PCYT1B: variants seen among roughly 807,000 people sequenced by gnomAD.
PCYT1B encodes phosphate cytidylyltransferase 1B, choline.
A neutral mutation model predicts 26.4 loss-of-function variants in PCYT1B; 10 were observed. The observed-to-expected ratio is 0.38, with a 90% confidence interval of 0.23 to 0.64. PCYT1B has a LOEUF of 0.64. Among genes scored for constraint, PCYT1B ranks in the 30% least tolerant of loss-of-function variants. The pLI, the probability that PCYT1B is intolerant of heterozygous loss-of-function variation, is 0.56. For missense variants in PCYT1B, 161 were observed against 292.7 expected (o/e 0.55, Z 3.28); for synonymous variants, 131 against 108.4 (o/e 1.21, Z -1.29).
At chrX:24,592,472 A>T (rs1205665360) in intron 3 of PCYT1B, among the ~76,000 whole-genome samples, 1 of 110,390 alleles carries the variant, frequency 9.1e-6, no homozygotes, top group African/African-American at 3.3e-5. Context: ...TTCAAAGCAC[A>T]CCCGGAAGCC....
chrX:24,585,289 A>G, intron 5 of PCYT1B, among the ~76,000 whole-genome samples: 1 of 111,986 alleles, frequency 8.9e-6, no homozygotes, highest in South Asian at 3.8e-4. Context: ...AATTTTGGAA[A>G]GAAATAGTTT....
Position 24,647,045 on chromosome X carries a change from C to T in PCYT1B, c.61G>A (p.Glu21Lys), listed in dbSNP as rs138783137. The T allele has an allele frequency of 2.1e-5, 25 of 1,209,119 alleles. No homozygotes were observed. The African/African-American group carries it at 3.2e-4, about 15-fold the overall frequency. Residue 21 changes from glutamate to lysine, a missense_variant, in exon 1 of 8, where the codon GAG (glutamate) becomes AAG (lysine). By Grantham distance (56) the Glu-to-Lys change is moderately conservative. Coordinates refer to ENST00000379144, the MANE Select transcript of PCYT1B (RefSeq NM_004845.5). ...TCCTCCATGGTTTCTGAGGGAGGCT[C>T]ATTGGAAAGGGATTTTGGGATACCT... ...ETGIPKSLSN[E>K]PPSETMEEIE... is the part of the protein sequence containing the mutation.
At chrX:24,568,205 G>A (rs762567868) in intron 7 of PCYT1B, among the ~76,000 whole-genome samples, 6 of 111,619 alleles carry the variant, frequency 5.4e-5, no homozygotes, top group African/African-American at 1.6e-4. Flanking sequence ...CACGGTGCCC[G>A]ACACAGGTGC....
At position 24,637,479 on chromosome X, in the gene PCYT1B, T is replaced by TAAAA. The variant is rs1201643219; in HGVS notation, c.117+9506_117+9509dup. ...CAACATGGTGAAACCCCATCTCTAC[T>TAAAA]AAAAAAAAAAAAATATATATATATA... On this transcript the variant is annotated intron_variant, in intron 1 of 7. Coordinates refer to ENST00000379144, the MANE Select transcript of PCYT1B (RefSeq NM_004845.5). Among the ~76,000 whole-genome samples, 364 of 59,251 alleles carry TAAAA rather than the reference T, an allele frequency of 6.1e-3. 5 individuals are homozygous for TAAAA. The highest frequency in any genetic ancestry group is 0.028 in the East Asian group (32 of 1,127). The allele number at this position is 59,251 out of a possible 115,157, so 51.5% of individuals were successfully genotyped here.
chrX:24,620,332 G>T (rs1013880247), intron 1 of PCYT1B, among the ~76,000 whole-genome samples: 44 of 111,526 alleles, frequency 3.9e-4, no homozygotes, highest in Non-Finnish European at 3.8e-5. Flanking sequence ...TCCCTCCCCT[G>T]TCCCCATCCC....
intron 1 of PCYT1B, among the ~76,000 whole-genome samples, chrX:24,655,616 C>T (rs1304490542): frequency 9.0e-6 from 1 of 111,415 alleles, no homozygotes; most frequent in Non-Finnish European, 1.9e-5. Flanking sequence ...AATTCTGTCT[C>T]TACTAAAAAT....
chrX:24,578,452 T>C (rs554970429), intron 6 of PCYT1B, among the ~76,000 whole-genome samples: 2 of 111,777 alleles, frequency 1.8e-5, no homozygotes, highest in Admixed American at 1.9e-4. Context: ...CAAACCTGCA[T>C]GTTCTGCACA....
chrX:24,615,733 ACT>A lies in PCYT1B; in HGVS notation c.217+3250_217+3251del, dbSNP rs1418780071. The stretch of plus-strand genomic sequence containing the variant: ...CCTGCCTCCAAACTTTCATTCATTC[ACT>A]CACAAAATATTTATTGACCGCAGCG... On this transcript the variant is annotated intron_variant, in intron 2 of 7. Transcript: ENST00000379144. 3.6e-5 allele frequency among the ~76,000 whole-genome samples: 4 copies of A among 111,178 alleles called. No homozygotes were observed. The Admixed American group carries it at 3.9e-4, about 11-fold the overall frequency.
chrX:24,631,750 G>A (rs1926100187), intron 1 of PCYT1B, among the ~76,000 whole-genome samples: 1 of 111,918 alleles, frequency 8.9e-6, no homozygotes, highest in Non-Finnish European at 1.9e-5. Context: ...CGGATCACCT[G>A]AGGTCAGGAG....
At chrX:24,579,196 AAAAAG>A in intron 6 of PCYT1B, 115 bp downstream of exon 6, 2 of 604,003 alleles carry the variant, frequency 3.3e-6, no homozygotes, top group Non-Finnish European at 2.4e-6. Context: ...CAAAAAAAAA[AAAAAG>A]AGAGAGAGAG....
intron 1 of PCYT1B, among the ~76,000 whole-genome samples, chrX:24,635,968 T>A (rs1043609092): frequency 1.8e-5 from 2 of 111,765 alleles, no homozygotes; most frequent in African/African-American, 6.5e-5. Context: ...GCCCACAACC[T>A]GTCTGACTGT....
chrX:24,641,588 G>A (rs1926466758), intron 1 of PCYT1B, among the ~76,000 whole-genome samples: 1 of 112,136 alleles, frequency 8.9e-6, no homozygotes, highest in Non-Finnish European at 1.9e-5. Context: ...TAAGCTCCCT[G>A]TAAAGCCACA....
At position 24,621,963 on chromosome X, in the gene PCYT1B, G is replaced by T. The variant is rs771396929; in HGVS notation, c.118-2879C>A. 4.1e-5 allele frequency: 7 copies of T among 172,472 alleles called. No individual in the cohort carries two copies. The South Asian group carries it at 1.9e-3, about 47-fold the overall frequency. 14.2% of individuals were successfully genotyped at this position (172,472 alleles called of 1,213,427 possible). A position where few individuals can be genotyped will look rare whatever the true frequency, so the allele number is the denominator to read the frequency against. On this transcript the variant is annotated intron_variant, in intron 1 of 7. Transcript: ENST00000379144. ...GGGGAAGAAAAGGTTTATATGCACCGTGCATTTTGTTCTTAATTATTATGG... is the reference window on the plus strand; with the variant it reads ...GGGGAAGAAAAGGTTTATATGCACCTTGCATTTTGTTCTTAATTATTATGG...
intron 3 of PCYT1B, among the ~76,000 whole-genome samples, chrX:24,607,219 T>G (rs1337380263): frequency 2.7e-5 from 3 of 112,282 alleles, no homozygotes; most frequent in Non-Finnish European, 5.6e-5. Context: ...CCTCGGTATA[T>G]AAATCTCCAT....
intron 1 of PCYT1B, among the ~76,000 whole-genome samples, chrX:24,657,665 C>T (rs987347240): frequency 4.5e-5 from 5 of 111,780 alleles, no homozygotes; most frequent in Non-Finnish European, 7.5e-5. Context: ...AAGTCTACAC[C>T]AAGCTACGCC....
intron 3 of PCYT1B, among the ~76,000 whole-genome samples, chrX:24,599,321 T>C (rs1285616781): frequency 8.9e-6 from 1 of 112,087 alleles, no homozygotes; most frequent in East Asian, 2.8e-4. Context: ...GTTGTTATTT[T>C]TGGTAAATAA....
chrX:24,606,450 T>C (rs1427166046), intron 3 of PCYT1B, among the ~76,000 whole-genome samples: 9 of 112,498 alleles, frequency 8.0e-5, no homozygotes, highest in African/African-American at 2.3e-4. Context: ...TCCCTCTGCA[T>C]GACTTGCCCA....
In PCYT1B at chrX:24,562,560, C is replaced by A. The variant is rs902492817; in HGVS notation, c.898-55G>T. 10 of 1,080,556 alleles carry A rather than the reference C, an allele frequency of 9.3e-6. No homozygotes were observed. In the South Asian group the frequency reaches 1.4e-4, roughly 15 times the overall value. 89.0% of individuals were successfully genotyped at this position (1,080,556 alleles called of 1,213,427 possible). A position where few individuals can be genotyped will look rare whatever the true frequency, so the allele number is the denominator to read the frequency against. ...TTAACTTTGCAATCTGAGGCAGCAG[C>A]AAAACAAAAAGGTAAGGCAGGCAGG... On this transcript the variant is annotated intron_variant, in intron 7 of 7. Coordinates refer to ENST00000379144, the MANE Select transcript of PCYT1B (RefSeq NM_004845.5).
chrX:24,581,657 A>T (rs1187623247), intron 5 of PCYT1B, among the ~76,000 whole-genome samples: 1 of 112,331 alleles, frequency 8.9e-6, no homozygotes, highest in Non-Finnish European at 1.9e-5. Flanking sequence ...TGTTGACTAT[A>T]AGCTACACTA....
Sources: gnomAD v4.1 joint callset for allele counts (sites outside exome capture counted in the v4.1 genomes callset) on GRCh38, gnomAD v4.1.1 for gene constraint, MANE v1.5 for transcripts, NCBI Gene and HGNC (gene_info 2026-07-23, HGNC 2026-07-21) for gene names.